The following DRC11 variants were observed in gnomAD, a reference collection of about 807,000 sequenced individuals.
DRC11 encodes dynein regulatory complex subunit 11.
At chr2:236,479,662 T>C in the DRC11 span, among the ~76,000 whole-genome samples, 1 of 152,192 alleles carries the variant, frequency 6.6e-6, no homozygotes, top group African/African-American at 2.4e-5. The surrounding 1 kb of genome is among the most constrained non-coding windows in gnomAD (Gnocchi z 4.1). Flanking sequence ...CTTTTTGTTG[T>C]CTCAATTTAC....
At chr2:236,357,050 A>C in the DRC11 span, among the ~76,000 whole-genome samples, 970 of 91,488 alleles carry the variant, frequency 0.011, 54 homozygotes, top group Middle Eastern at 0.032. Context: ...CATATATTAT[A>C]TATCTATTTA....
the DRC11 span, among the ~76,000 whole-genome samples, chr2:236,398,580 C>T: frequency 6.6e-6 from 1 of 152,208 alleles, no homozygotes; most frequent in Non-Finnish European, 1.5e-5. The surrounding 1 kb of genome is among the most constrained non-coding windows in gnomAD (Gnocchi z 6.2). Flanking sequence ...TGACTGAGGT[C>T]ACCTTGGCAG....
the DRC11 span, among the ~76,000 whole-genome samples, chr2:236,470,031 A>G: frequency 6.6e-6 from 1 of 152,222 alleles, no homozygotes; most frequent in Non-Finnish European, 1.5e-5. The surrounding 1 kb of genome is among the most constrained non-coding windows in gnomAD (Gnocchi z 5.1). Flanking sequence ...AAAAATATAC[A>G]TATTAATAAT....
chr2:236,425,507 C>T, the DRC11 span, among the ~76,000 whole-genome samples: 1 of 151,962 alleles, frequency 6.6e-6, no homozygotes, highest in Non-Finnish European at 1.5e-5. Context: ...CTTGCTATAG[C>T]AGTCTTTAAA....
the DRC11 span, among the ~76,000 whole-genome samples, chr2:236,415,246 G>A: frequency 6.6e-6 from 1 of 152,086 alleles, no homozygotes; most frequent in Non-Finnish European, 1.5e-5. This position sits in a 1 kb window ranked among gnomAD's most constrained non-coding sequence, Gnocchi z 5.7. Context: ...TATAGAACTG[G>A]CAATTGATAT....
At chr2:236,463,787 G>A in the DRC11 span, among the ~76,000 whole-genome samples, 2 of 152,198 alleles carry the variant, frequency 1.3e-5, no homozygotes, top group South Asian at 4.1e-4. This position sits in a 1 kb window ranked among gnomAD's most constrained non-coding sequence, Gnocchi z 5.0. Context: ...GTTTCTGGGT[G>A]GGGAACCAGA....
At chr2:236,358,539 T>C in the DRC11 span, among the ~76,000 whole-genome samples, 26 of 145,248 alleles carry the variant, frequency 1.8e-4, no homozygotes, top group African/African-American at 6.6e-4. Flanking sequence ...GGCAGGGCTG[T>C]TGCCTACCAC....
the DRC11 span, among the ~76,000 whole-genome samples, chr2:236,333,857 C>T: frequency 3.3e-5 from 5 of 152,066 alleles, no homozygotes; most frequent in African/African-American, 7.2e-5. The surrounding 1 kb of genome is among the most constrained non-coding windows in gnomAD (Gnocchi z 6.0). Flanking sequence ...TGAACTGTAC[C>T]GTGGGGCCTG....
the DRC11 span, among the ~76,000 whole-genome samples, chr2:236,352,301 G>A: frequency 1.3e-5 from 2 of 152,166 alleles, no homozygotes; most frequent in Non-Finnish European, 2.9e-5. The surrounding 1 kb of genome is among the most constrained non-coding windows in gnomAD (Gnocchi z 7.0). Flanking sequence ...AGGTGACAGG[G>A]AGAGCTCCTT....
At chr2:236,495,355 T>C in the DRC11 span, among the ~76,000 whole-genome samples, 1 of 152,092 alleles carries the variant, frequency 6.6e-6, no homozygotes, top group Non-Finnish European at 1.5e-5. This position sits in a 1 kb window ranked among gnomAD's most constrained non-coding sequence, Gnocchi z 5.6. Flanking sequence ...AAAAAAATTA[T>C]AGTTAGGATT....
At chr2:236,367,139 A>G in the DRC11 span, among the ~76,000 whole-genome samples, 1 of 150,938 alleles carries the variant, frequency 6.6e-6, no homozygotes, top group African/African-American at 2.4e-5. The surrounding 1 kb of genome is among the most constrained non-coding windows in gnomAD (Gnocchi z 4.8). Context: ...TTTCTGTCTT[A>G]CTGCCTTCCA....
chr2:236,427,452 C>T, the DRC11 span, among the ~76,000 whole-genome samples: 1 of 152,088 alleles, frequency 6.6e-6, no homozygotes, highest in Non-Finnish European at 1.5e-5. This position sits in a 1 kb window ranked among gnomAD's most constrained non-coding sequence, Gnocchi z 5.9. Flanking sequence ...AATTTCTCTA[C>T]TCACTATGAT....
chr2:236,491,142 G>GTATATATATATACACAGTATATATATA, the DRC11 span, among the ~76,000 whole-genome samples: 3 of 39,360 alleles, frequency 7.6e-5, no homozygotes, highest in South Asian at 5.3e-4. Flanking sequence ...TATATATACA[G>GTATATATATATACACAGTATATATATA]TATATATATA....
the DRC11 span, among the ~76,000 whole-genome samples, chr2:236,343,237 G>A: frequency 6.6e-6 from 1 of 152,082 alleles, no homozygotes; most frequent in Non-Finnish European, 1.5e-5. This position sits in a 1 kb window ranked among gnomAD's most constrained non-coding sequence, Gnocchi z 6.6. Flanking sequence ...CCCCCTCTCA[G>A]CGCTCCTTCC....
the DRC11 span, among the ~76,000 whole-genome samples, chr2:236,495,588 T>C: frequency 1.3e-5 from 2 of 152,246 alleles, no homozygotes; most frequent in South Asian, 4.1e-4. This position sits in a 1 kb window ranked among gnomAD's most constrained non-coding sequence, Gnocchi z 5.6. Flanking sequence ...GTTCCTCACA[T>C]GGCAGGTTAC....
chr2:236,481,004 GCCCAATGGGGAAGGT>G, the DRC11 span, among the ~76,000 whole-genome samples: 2 of 152,230 alleles, frequency 1.3e-5, no homozygotes, highest in Non-Finnish European at 2.9e-5. Context: ...GTGATGCCTG[GCCCAATGGGGAAGGT>G]CCCAAAGGGG....
At chr2:236,416,198 G>A in the DRC11 span, among the ~76,000 whole-genome samples, 4 of 152,176 alleles carry the variant, frequency 2.6e-5, no homozygotes, top group African/African-American at 9.7e-5. Flanking sequence ...AGAGCTATCA[G>A]CTAATCCCAA....
At chr2:236,490,582 A>G in the DRC11 span, among the ~76,000 whole-genome samples, 3 of 152,148 alleles carry the variant, frequency 2.0e-5, no homozygotes, top group African/African-American at 4.8e-5. This position sits in a 1 kb window ranked among gnomAD's most constrained non-coding sequence, Gnocchi z 5.5. Context: ...AGCAAACATG[A>G]GTTAGTATCG....
the DRC11 span, among the ~76,000 whole-genome samples, chr2:236,388,454 C>T: frequency 8.4e-4 from 128 of 151,742 alleles, no homozygotes; most frequent in African/African-American, 2.8e-3. Flanking sequence ...TTGATCGCAT[C>T]GGCTCCTGAG....
Sources: allele counts gnomAD v4.1 joint callset (sites outside exome capture counted in the v4.1 genomes callset), GRCh38; gene constraint gnomAD v4.1.1; non-coding constraint Gnocchi (gnomAD v3.1); transcripts MANE v1.5; gene names NCBI Gene and HGNC (gene_info 2026-07-23, HGNC 2026-07-21).